EAF1: variants seen among roughly 807,000 people sequenced by gnomAD.
EAF1 encodes the protein ELL associated factor 1, also known as ELL-associated factor 1.
EAF1 carries 19 observed loss-of-function variants against 26.6 expected under a neutral mutation model. That is an observed-to-expected ratio of 0.71 (90% CI 0.50 to 1.05). The LOEUF (loss-of-function observed/expected upper bound fraction) is 1.05, where lower values mean the gene tolerates loss of function less well. Ranked by LOEUF, EAF1 falls within the 50% of genes least tolerant of loss-of-function variation. The pLI, the probability that EAF1 is intolerant of heterozygous loss-of-function variation, is 0.00. For synonymous variants in EAF1, 102 were observed against 120.6 expected (o/e 0.85, Z 1.01); for missense variants, 260 against 335.5 (o/e 0.78, Z 1.76).
intron 1 of EAF1, among the ~76,000 whole-genome samples, chr3:15,428,346 C>T (rs2061771127): frequency 6.6e-6 from 1 of 152,160 alleles, no homozygotes; most frequent in South Asian, 2.1e-4. Flanking sequence ...AACCCATTCT[C>T]TTCCCTGCTT....
chr3:15,428,268 C>CT (rs1458206919), intron 1 of EAF1, among the ~76,000 whole-genome samples: 1 of 151,056 alleles, frequency 6.6e-6, no homozygotes, highest in Non-Finnish European at 1.5e-5. Context: ...CTTTCCGATG[C>CT]TCCCATCAGG....
chr3:15,429,051 T>C (rs1482581980), intron 1 of EAF1, among the ~76,000 whole-genome samples: 1 of 152,190 alleles, frequency 6.6e-6, no homozygotes, highest in Non-Finnish European at 1.5e-5. Flanking sequence ...ATATAGTTCA[T>C]GTGTGCACCT....
rs1340182900 is a variant in EAF1 at position 15,442,247 on chromosome 3, T to C, written c.*3092T>C. The C allele has an allele frequency of 6.6e-6, 1 of 150,382 alleles. No homozygotes were observed. Among genetic ancestry groups the C allele is most frequent in the African/African-American group, 2.5e-5 (1 of 39,518 alleles). 9.3% of individuals were successfully genotyped at this position (150,382 alleles called of 1,614,324 possible). On this transcript the variant is annotated 3_prime_UTR_variant, in exon 6 of 6. Transcript: ENST00000396842. Reference sequence around the variant, plus strand: ...TGTGTGTGTGTGTGTATGAATGGTATATTTATTACATTATTTTGAAAGAGA... The same window carrying C: ...TGTGTGTGTGTGTGTATGAATGGTACATTTATTACATTATTTTGAAAGAGA...
chr3:15,433,514 G>C (rs1269434610), intron 3 of EAF1, among the ~76,000 whole-genome samples: 4 of 152,208 alleles, frequency 2.6e-5, no homozygotes, highest in Non-Finnish European at 5.9e-5. Flanking sequence ...GAGATCACCA[G>C]GTGATTTGTG....
chr3:15,432,224 G>A lies in EAF1; in HGVS notation c.335+1G>A. ...GCAGCATTCAGGTGAAGAAAACAAG[G>A]TATGTGAATAGCCAGATGCAGGTTT... On this transcript the variant is annotated splice_donor_variant, in intron 3 of 5. Coordinates refer to ENST00000396842, the MANE Select transcript of EAF1 (RefSeq NM_033083.7). LOFTEE classifies it high-confidence loss of function. The A allele has an allele frequency of 6.2e-7, 1 of 1,613,940 alleles. No individual in the cohort carries two copies.
At chr3:15,434,263 G>A in intron 3 of EAF1, 85 bp from the exon 4 acceptor site, 4 of 1,492,478 alleles carry the variant, frequency 2.7e-6, no homozygotes, top group Non-Finnish European at 3.7e-6. Context: ...GGGTTCTACA[G>A]AGACTTCTGA....
chr3:15,437,162 C>G (rs963738845), intron 5 of EAF1, among the ~76,000 whole-genome samples: 3 of 151,784 alleles, frequency 2.0e-5, no homozygotes, highest in African/African-American at 4.8e-5. Context: ...TCCCAAAGTG[C>G]TGGGATTATG....
chr3:15,434,565 T>C, intron 4 of EAF1, 27 bp downstream of exon 4: 4 of 1,612,056 alleles, frequency 2.5e-6, no homozygotes, highest in South Asian at 1.1e-5. Context: ...GGATCCATGA[T>C]AGCAACTTGG....
In EAF1 at chr3:15,431,169, C is replaced by A. The variant is rs566137833; in HGVS notation, c.199-918C>A. Among the ~76,000 whole-genome samples, 49 of 152,314 alleles carry A rather than the reference C, an allele frequency of 3.2e-4. 1 individual carries two copies. The South Asian group carries it at 9.3e-3, about 29-fold the overall frequency. On this transcript the variant is annotated intron_variant, in intron 2 of 5. Transcript: ENST00000396842. ...AATATGATATTCAACAAATATTAAT[C>A]AAATGCCTCCCACACATTGGCCCAT...
rs548060425 is a variant in EAF1 at position 15,435,032 on chromosome 3, C to T, written c.526+494C>T. On this transcript the variant is annotated intron_variant, in intron 4 of 5. Coordinates refer to ENST00000396842, the MANE Select transcript of EAF1 (RefSeq NM_033083.7). ...GTTTGAGGCTACAGTGTGCTATGAT[C>T]GTGCCTGTTGGTAGCTACTGAACTC... Among the ~76,000 whole-genome samples, 19 of 152,256 alleles carry T rather than the reference C, an allele frequency of 1.2e-4. No homozygotes were observed. In the South Asian group the frequency reaches 1.7e-3, roughly 13 times the overall value.
intron 4 of EAF1, chr3:15,436,092 T>A (rs2061833101): frequency 3.2e-6 from 1 of 310,598 alleles, no homozygotes; most frequent in South Asian, 7.6e-5. Flanking sequence ...AGAACAGCCA[T>A]TATTCTGAAA....
chr3:15,437,164 G>A (rs974152222), intron 5 of EAF1, among the ~76,000 whole-genome samples: 1 of 151,802 alleles, frequency 6.6e-6, no homozygotes, highest in African/African-American at 2.4e-5. Context: ...CCAAAGTGCT[G>A]GGATTATGGG....
intron 2 of EAF1, among the ~76,000 whole-genome samples, chr3:15,430,344 C>A (rs1303009639): frequency 6.6e-6 from 1 of 151,322 alleles, no homozygotes; most frequent in Non-Finnish European, 1.5e-5. Context: ...TCTGTGGTTG[C>A]AGCTGCTTGG....
In EAF1 at chr3:15,432,205, T is replaced by A; in HGVS notation, c.317T>A (p.Ile106Asn). The A allele has an allele frequency of 6.2e-7, 1 of 1,614,114 alleles. No individual in the cohort carries two copies. The highest frequency in any genetic ancestry group is 1.1e-5 in the South Asian group (1 of 91,078). The change falls in exon 3 of 6, where the codon ATT becomes AAT. Residue 106 changes from isoleucine to asparagine, a missense_variant. By Grantham distance (149) the Ile-to-Asn change is moderately radical (BLOSUM62 -3). Coordinates refer to ENST00000396842, the MANE Select transcript of EAF1 (RefSeq NM_033083.7). ...EYVLEKLSSS[I>N]QVKKTRAEGS... Reference sequence around the variant, plus strand: ...GTGCTGGAAAAACTCAGTAGCAGCATTCAGGTGAAGAAAACAAGGTATGTG... The same window carrying A: ...GTGCTGGAAAAACTCAGTAGCAGCAATCAGGTGAAGAAAACAAGGTATGTG...
intron 5 of EAF1, chr3:15,438,563 C>CG (rs2061848921): frequency 6.8e-6 from 1 of 146,842 alleles, no homozygotes; most frequent in South Asian, 2.1e-4. Flanking sequence ...CTCACTCTAT[C>CG]GCCCAGGCTG....
In EAF1 at chr3:15,437,350, G is replaced by C. The variant is rs181293583; in HGVS notation, c.760+775G>C. 2.1e-5 allele frequency among the ~76,000 whole-genome samples: 3 copies of C among 141,686 alleles called. No individual in the cohort carries two copies. In the East Asian group the frequency reaches 6.3e-4, roughly 30 times the overall value. The allele number at this position is 141,686 out of a possible 152,430, so 93.0% of individuals were successfully genotyped here. Reference sequence around the variant, plus strand: ...TTTTTTTTGGTAGAGACAGGGTTTCGCCACATTGCCCAGGCTGGTCTCAAA... The same window carrying C: ...TTTTTTTTGGTAGAGACAGGGTTTCCCCACATTGCCCAGGCTGGTCTCAAA... On this transcript the variant is annotated intron_variant, in intron 5 of 5. Transcript: ENST00000396842.
At chr3:15,439,082 TTTTAC>T (rs752125021) in intron 5 of EAF1, 22 bp from the exon 6 acceptor site, 41 of 1,589,634 alleles carry the variant, frequency 2.6e-5, no homozygotes, top group Non-Finnish European at 3.1e-5. Flanking sequence ...GATTCTATGA[TTTTAC>T]TTTATTTTTT....
intron 2 of EAF1, 101 bp from the exon 3 acceptor site, chr3:15,431,986 C>A: frequency 7.6e-7 from 1 of 1,324,012 alleles, no homozygotes; most frequent in Non-Finnish European, 1.0e-6. Context: ...TTTTGAATAG[C>A]TCTGATAAAA....
Position 15,430,012 on chromosome 3 carries a change from GTTTA to G in EAF1, c.198+9_198+12del, listed in dbSNP as rs539778178. The G allele has an allele frequency of 6.4e-7, 1 of 1,552,060 alleles. No homozygotes were observed. Among genetic ancestry groups the G allele is most frequent in the Non-Finnish European group, 8.7e-7 (1 of 1,143,416 alleles). On this transcript the variant is annotated splice_donor_region_variant and intron_variant, in intron 2 of 5. Transcript: ENST00000396842. ...ATTACACTGCCACATATCCCTGTGA[GTTTA>G]TTTCATTTTTTTTTTTAATGTAAGA...
Sources: allele counts gnomAD v4.1 joint callset (sites outside exome capture counted in the v4.1 genomes callset), GRCh38; gene constraint gnomAD v4.1.1; transcripts MANE v1.5; gene names NCBI Gene and HGNC (gene_info 2026-07-23, HGNC 2026-07-21).